Variants in TCERG1L observed in about 807,000 individuals in gnomAD.
TCERG1L encodes the protein transcription elongation regulator 1-like protein.
Under a neutral mutation model 56.3 loss-of-function variants are expected in TCERG1L, and 37 were observed. The observed-to-expected ratio is 0.66, with a 90% CI of 0.51 to 0.87. The LOEUF is 0.87. TCERG1L is among the 40% of genes least tolerant of loss of function. The pLI is 0.00. For missense variants in TCERG1L, 799 were observed against 774.2 expected, an observed-to-expected ratio of 1.03 and a Z score of -0.38; for synonymous variants, 324 against 326.3, an observed-to-expected ratio of 0.99 and a Z score of 0.08.
At chr10:131,201,646 T>C (rs1434037439) in intron 4 of TCERG1L, among the ~76,000 whole-genome samples, 2 of 152,246 alleles carry the variant, frequency 1.3e-5, no homozygotes, top group Non-Finnish European at 2.9e-5. Context: ...CAAATATTTC[T>C]ACAAAACATG....
chr10:131,160,410 C>A (rs1845964801), intron 6 of TCERG1L, among the ~76,000 whole-genome samples: 1 of 151,914 alleles, frequency 6.6e-6, no homozygotes, highest in Non-Finnish European at 1.5e-5. Context: ...GGCCCTACAC[C>A]CCGCCACTCC....
chr10:131,232,620 T>C (rs987330271), intron 4 of TCERG1L, among the ~76,000 whole-genome samples: 2 of 152,208 alleles, frequency 1.3e-5, no homozygotes, highest in African/African-American at 4.8e-5. Context: ...CTCTTTAAAA[T>C]TGCAATGTGA....
At chr10:131,147,707 T>G (rs1004124998) in intron 6 of TCERG1L, among the ~76,000 whole-genome samples, 1 of 152,004 alleles carries the variant, frequency 6.6e-6, no homozygotes, top group Non-Finnish European at 1.5e-5. Flanking sequence ...TGTGCAGGAG[T>G]GAATGGGTGG....
intron 4 of TCERG1L, among the ~76,000 whole-genome samples, chr10:131,255,889 G>A (rs1280416543): frequency 6.6e-6 from 1 of 152,216 alleles, no homozygotes; most frequent in Non-Finnish European, 1.5e-5. Context: ...AATAATGCCA[G>A]CTCAGATACT....
intron 4 of TCERG1L, among the ~76,000 whole-genome samples, chr10:131,200,836 C>T (rs976234708): frequency 6.6e-6 from 1 of 150,470 alleles, no homozygotes; most frequent in Non-Finnish European, 1.5e-5. Flanking sequence ...GTCATGTGAA[C>T]ACATTAAGAG....
chr10:131,113,082 G>A (rs1335915997), intron 9 of TCERG1L, among the ~76,000 whole-genome samples: 5 of 142,526 alleles, frequency 3.5e-5, no homozygotes, highest in African/African-American at 9.9e-5. Flanking sequence ...ACCCTACCTC[G>A]CGGCACATCA....
chr10:131,124,775 A>T (rs1845547970), intron 8 of TCERG1L, among the ~76,000 whole-genome samples: 2 of 152,184 alleles, frequency 1.3e-5, no homozygotes, highest in Non-Finnish European at 2.9e-5. Context: ...TGAGGAGGGA[A>T]CGCTGGGCGC....
Position 131,112,303 on chromosome 10 carries a change from G to T in TCERG1L, c.1395+4496C>A, listed in dbSNP as rs1327004589. Among the ~76,000 whole-genome samples the T allele has an allele frequency of 3.5e-5, 5 of 142,524 alleles. 1 individual carries two copies. Among genetic ancestry groups the T allele is most frequent in the Non-Finnish European group, 7.9e-5 (5 of 63,250 alleles). The allele number at this position is 142,524 out of a possible 152,430, so 93.5% of individuals were successfully genotyped here. ...CTGACTCCCACACTGTCCTGGAGATGCCTGTCTGGATCTGCAGCCCACCCG... is the reference window on the plus strand; with the variant it reads ...CTGACTCCCACACTGTCCTGGAGATTCCTGTCTGGATCTGCAGCCCACCCG... On this transcript the variant is annotated intron_variant, in intron 9 of 11. Coordinates refer to ENST00000368642, the MANE Select transcript of TCERG1L (RefSeq NM_174937.4).
chr10:131,113,716 C>T (rs1845430246), intron 9 of TCERG1L, among the ~76,000 whole-genome samples: 2 of 141,808 alleles, frequency 1.4e-5, no homozygotes, highest in African/African-American at 2.5e-5. Context: ...CCCAGGATCA[C>T]CTGCAAAGGG....
intron 9 of TCERG1L, among the ~76,000 whole-genome samples, chr10:131,105,753 T>G (rs1182665728): frequency 2.0e-5 from 3 of 152,260 alleles, no homozygotes; most frequent in Admixed American, 6.5e-5. Flanking sequence ...ACATTACTTA[T>G]GTACTCAATC....
intron 10 of TCERG1L, among the ~76,000 whole-genome samples, chr10:131,099,361 C>T (rs11017716): frequency 0.083 from 12,571 of 152,268 alleles, 542 homozygotes; most frequent in Middle Eastern, 0.11. Flanking sequence ...TTATAGACTA[C>T]GGAGTCAAAG....
intron 4 of TCERG1L, among the ~76,000 whole-genome samples, chr10:131,229,066 G>C (rs1326050161): frequency 1.0e-5 from 1 of 96,734 alleles, no homozygotes; most frequent in Non-Finnish European, 2.1e-5. Context: ...CTCCCCTCCA[G>C]ACAGGCATTT....
In TCERG1L at chr10:131,182,449, T is replaced by C. The variant is rs143124585; in HGVS notation, c.857-15564A>G. Among the ~76,000 whole-genome samples, 75 of 152,346 alleles carry C rather than the reference T, an allele frequency of 4.9e-4. 2 individuals are homozygous for C. In the East Asian group the frequency reaches 0.012, roughly 24 times the overall value. The stretch of plus-strand genomic sequence containing the variant: ...CATTTATTTAAAACATCCTCTTTGA[T>C]AGAAATCAGGATTTGTGATAAATCC... On this transcript the variant is annotated intron_variant, in intron 4 of 11. Coordinates refer to ENST00000368642, the MANE Select transcript of TCERG1L (RefSeq NM_174937.4).
At chr10:131,093,701 A>C (rs948855739) in intron 11 of TCERG1L, among the ~76,000 whole-genome samples, 1 of 151,938 alleles carries the variant, frequency 6.6e-6, no homozygotes, top group African/African-American at 2.4e-5. Flanking sequence ...GGTCTTTCTT[A>C]CACTGTTCCC....
chr10:131,254,320 T>C (rs187946602), intron 4 of TCERG1L, among the ~76,000 whole-genome samples: 2 of 149,960 alleles, frequency 1.3e-5, no homozygotes, highest in Non-Finnish European at 3.0e-5. Flanking sequence ...TATATATATA[T>C]AGTAAGTATT....
Position 131,260,369 on chromosome 10 carries a change from A to T in TCERG1L, c.746T>A (p.Val249Asp), listed in dbSNP as rs1846223828. The T allele has an allele frequency of 6.7e-7, 1 of 1,498,404 alleles. No individual in the cohort carries two copies. Among genetic ancestry groups the T allele is most frequent in the African/African-American group, 1.5e-5 (1 of 67,838 alleles). The allele number at this position is 1,498,404 out of a possible 1,614,324, so 92.8% of individuals were successfully genotyped here. ...AIATAAAAAM[V>D]SVDPENLRGP... ...CCGGAGGTTCTCAGGGTCCACGGAGACCATGGCAGCGGCGGCGGCGGTGGC... is the reference window on the plus strand; with the variant it reads ...CCGGAGGTTCTCAGGGTCCACGGAGTCCATGGCAGCGGCGGCGGCGGTGGC... The change falls in exon 4 of 12, where the codon GTC (valine) becomes GAC (aspartate). Residue 249 changes from valine to aspartate, a missense_variant. Transcript: ENST00000368642. The surrounding 1 kb of genome is among the most constrained non-coding windows in gnomAD (Gnocchi z 5.8).
At chr10:131,178,603 A>T (rs1042984206) in intron 4 of TCERG1L, among the ~76,000 whole-genome samples, 2 of 152,094 alleles carry the variant, frequency 1.3e-5, no homozygotes, top group Non-Finnish European at 2.9e-5. Flanking sequence ...CTGGGTGTGG[A>T]GACCTTCATT....
At chr10:131,213,548 C>T (rs1845638448) in intron 4 of TCERG1L, among the ~76,000 whole-genome samples, 1 of 152,366 alleles carries the variant, frequency 6.6e-6, no homozygotes, top group Admixed American at 6.5e-5. Flanking sequence ...CTGGGCCACT[C>T]TGTCTGGCCC....
At chr10:131,104,676 T>C (rs1845334754) in intron 9 of TCERG1L, among the ~76,000 whole-genome samples, 1 of 152,158 alleles carries the variant, frequency 6.6e-6, no homozygotes, top group East Asian at 1.9e-4. Context: ...AAAGGGGAAA[T>C]TATATTGGTA....
Sources: allele counts gnomAD v4.1 joint callset (sites outside exome capture counted in the v4.1 genomes callset), GRCh38; gene constraint gnomAD v4.1.1; non-coding constraint Gnocchi (gnomAD v3.1); transcripts MANE v1.5; gene names NCBI Gene and HGNC (gene_info 2026-07-23, HGNC 2026-07-21).